Variants in TMC1 observed in about 807,000 individuals in gnomAD.
The protein encoded by TMC1 is transmembrane channel-like protein 1.
TMC1 carries 84 observed loss-of-function variants against 105.8 expected under a neutral mutation model. The ratio of observed to expected loss-of-function variants is 0.79; its 90% CI spans 0.67 to 0.95. The LOEUF is 0.95. Ranked by LOEUF, TMC1 falls within the 40% of genes least tolerant of loss-of-function variation. TMC1 has a pLI of 0.00. For missense variants in TMC1, 817 were observed against 914.1 expected, an observed-to-expected ratio of 0.89 and a Z score of 1.37; for synonymous variants, 315 against 311.5, an observed-to-expected ratio of 1.01 and a Z score of -0.12.
intron 2 of TMC1, among the ~76,000 whole-genome samples, chr9:72,616,033 C>T (rs1029633476): frequency 1.3e-5 from 2 of 152,156 alleles, no homozygotes; most frequent in African/African-American, 4.8e-5. Flanking sequence ...CAGGCGTGAG[C>T]CACCGTGCCC....
chr9:72,761,920 G>A lies in TMC1; in HGVS notation c.741+7036G>A, dbSNP rs76215082. Among the ~76,000 whole-genome samples, 1,342 of 152,248 alleles carry A rather than the reference G, an allele frequency of 8.8e-3. 19 individuals carry two copies. The highest frequency in any genetic ancestry group is 0.031 in the African/African-American group (1,277 of 41,554). On this transcript the variant is annotated intron_variant, in intron 12 of 23. Transcript: ENST00000297784. ...TGTTTTAGAACTATTTCAGTGGTTC[G>A]AATGCATCTTTATTTGAAAAGGTGA...
chr9:72,589,332 A>G (rs1824599961), intron 2 of TMC1, among the ~76,000 whole-genome samples: 1 of 152,250 alleles, frequency 6.6e-6, no homozygotes, highest in South Asian at 2.1e-4. Flanking sequence ...TGTTTCACAA[A>G]TGTGAACTAT....
At position 72,837,757 on chromosome 9, in the gene TMC1, T is replaced by C. The variant is rs1588109890; in HGVS notation, c.*1784T>C. On this transcript the variant is annotated 3_prime_UTR_variant, in exon 24 of 24. Coordinates refer to ENST00000297784, the MANE Select transcript of TMC1 (RefSeq NM_138691.3). ...CCTGCAGTTGACTTACTGATTTCTA[T>C]TATCCTGTCTCTGAGTTTCTCATTC... is the stretch of plus-strand genomic sequence containing the variant. 6.6e-6 allele frequency: 1 copy of C among 152,324 alleles called. No individual in the cohort carries two copies. The highest frequency in any genetic ancestry group is 1.5e-5 in the Non-Finnish European group (1 of 68,034). The allele number at this position is 152,324 out of a possible 1,614,324, so 9.4% of individuals were successfully genotyped here.
intron 4 of TMC1, among the ~76,000 whole-genome samples, chr9:72,644,325 A>G (rs952385566): frequency 1.3e-5 from 2 of 151,860 alleles, no homozygotes; most frequent in Admixed American, 1.3e-4. Flanking sequence ...TTGGTGTTAT[A>G]TCTAAAAAAA....
chr9:72,612,654 G>A (rs1223833399), intron 2 of TMC1, among the ~76,000 whole-genome samples: 3 of 152,210 alleles, frequency 2.0e-5, no homozygotes, highest in Non-Finnish European at 2.9e-5. Flanking sequence ...CAGGCAGTGA[G>A]CTTTGCTTTT....
intron 3 of TMC1, among the ~76,000 whole-genome samples, chr9:72,626,496 G>C (rs1359084508): frequency 6.6e-6 from 1 of 152,162 alleles, no homozygotes; most frequent in Non-Finnish European, 1.5e-5. Flanking sequence ...AGCACCTTTA[G>C]TAACAACACT....
intron 2 of TMC1, among the ~76,000 whole-genome samples, chr9:72,587,936 C>A (rs1824580061): frequency 6.6e-6 from 1 of 151,848 alleles, no homozygotes; most frequent in African/African-American, 2.4e-5. Context: ...CAGGCATGCA[C>A]CCCCATGCCT....
Position 72,792,291 on chromosome 9 carries a change from C to G in TMC1, c.1505C>G (p.Pro502Arg), listed in dbSNP as rs1230898342. ...ASFSENSTGPPFFVHPADVPR... is the reference protein window; with the variant it reads ...ASFSENSTGPRFFVHPADVPR... ...TTCTCTGAAAATAGCACTGGACCAC[C>G]CTTTTTTGTTCACCCTGCAGATGTA... Residue 502 changes from proline to arginine, a missense_variant, in exon 17 of 24, where the codon CCC (proline) becomes CGC (arginine). Physicochemically the swap from Pro to Arg is moderately radical, Grantham distance 103. Coordinates refer to ENST00000297784, the MANE Select transcript of TMC1 (RefSeq NM_138691.3). 2 of 1,614,080 alleles carry G rather than the reference C, an allele frequency of 1.2e-6. No individual in the cohort carries two copies. The highest frequency in any genetic ancestry group is 1.7e-6 in the Non-Finnish European group (2 of 1,180,012).
intron 2 of TMC1, among the ~76,000 whole-genome samples, chr9:72,615,378 C>T (rs546446183): frequency 3.9e-5 from 6 of 152,222 alleles, no homozygotes; most frequent in African/African-American, 1.4e-4. Context: ...ATTTTAGAGC[C>T]TATTTTCAAC....
rs114113368 is a variant in TMC1, at chr9:72,627,864, A to C, written c.-195-57A>C. ...ATTCTTTACTCAGATATGAAAGTTG[A>C]AAAGGTACTATTATTTTTAAAAATC... On this transcript the variant is annotated intron_variant, in intron 3 of 23. Transcript: ENST00000297784. The C allele has an allele frequency of 2.5e-3, 903 of 359,082 alleles. 6 individuals are homozygous for C. Among genetic ancestry groups the C allele is most frequent in the African/African-American group, 0.018 (859 of 46,806 alleles). The allele number at this position is 359,082 out of a possible 1,614,324, so 22.2% of individuals were successfully genotyped here.
At chr9:72,818,059 T>C (rs1265050617) in intron 19 of TMC1, among the ~76,000 whole-genome samples, 1 of 152,110 alleles carries the variant, frequency 6.6e-6, no homozygotes, top group Admixed American at 6.6e-5. Flanking sequence ...GGATGTCATG[T>C]AGAGGGAGGT....
intron 13 of TMC1, among the ~76,000 whole-genome samples, chr9:72,773,564 G>A (rs956677018): frequency 7.9e-5 from 12 of 152,126 alleles, no homozygotes; most frequent in Non-Finnish European, 2.9e-5. Flanking sequence ...ACCTGCTAAA[G>A]TGTAATCAGA....
At chr9:72,708,304 A>T (rs1826777937) in intron 8 of TMC1, among the ~76,000 whole-genome samples, 1 of 152,062 alleles carries the variant, frequency 6.6e-6, no homozygotes, top group Non-Finnish European at 1.5e-5. Flanking sequence ...ATGAAGAATG[A>T]TGGTGGTATT....
At chr9:72,823,138 T>C (rs1211752714) in intron 20 of TMC1, among the ~76,000 whole-genome samples, 3 of 152,224 alleles carry the variant, frequency 2.0e-5, no homozygotes, top group Non-Finnish European at 2.9e-5. Context: ...TTAAATATTT[T>C]CAATGGAGTA....
intron 12 of TMC1, among the ~76,000 whole-genome samples, chr9:72,755,822 C>T (rs1183688694): frequency 6.6e-6 from 1 of 152,288 alleles, no homozygotes; most frequent in East Asian, 1.9e-4. Flanking sequence ...GTATATCTCA[C>T]AAACATTTTG....
At chr9:72,685,996 C>T (rs893111893) in intron 5 of TMC1, among the ~76,000 whole-genome samples, 10 of 152,186 alleles carry the variant, frequency 6.6e-5, no homozygotes, top group Admixed American at 2.0e-4. Flanking sequence ...CTTTTCTGAA[C>T]GACTCCTATG....
Position 72,837,557 on chromosome 9 carries a change from C to CA in TMC1, c.*1585dup, listed in dbSNP as rs1385713633. 1 of 152,140 alleles carries CA rather than the reference C, an allele frequency of 6.6e-6. No individual in the cohort carries two copies. The highest frequency in any genetic ancestry group is 1.5e-5 in the Non-Finnish European group (1 of 68,034). 9.4% of individuals were successfully genotyped at this position (152,140 alleles called of 1,614,324 possible). A position where few individuals can be genotyped will look rare whatever the true frequency, so the allele number is the denominator to read the frequency against. On this transcript the variant is annotated 3_prime_UTR_variant, in exon 24 of 24. Transcript: ENST00000297784. The stretch of plus-strand genomic sequence containing the variant: ...TTTTTTTGTTAAGGTCAGGAAAACA[C>CA]ACTTCTGTTGGGGGCCTTAATTTAT...
intron 1 of TMC1, among the ~76,000 whole-genome samples, chr9:72,568,427 G>A (rs548656966): frequency 6.6e-6 from 1 of 152,242 alleles, no homozygotes; most frequent in Admixed American, 6.5e-5. Context: ...ACACAATAAA[G>A]CAGAAAGATT....
At chr9:72,735,165 G>A (rs952375423) in intron 8 of TMC1, among the ~76,000 whole-genome samples, 2 of 152,188 alleles carry the variant, frequency 1.3e-5, no homozygotes, top group Non-Finnish European at 2.9e-5. Context: ...AGCTCAGAGA[G>A]CTGTGCATAT....
Sources: allele counts gnomAD v4.1 joint callset (sites outside exome capture counted in the v4.1 genomes callset), GRCh38; gene constraint gnomAD v4.1.1; transcripts MANE v1.5; gene names NCBI Gene and HGNC (gene_info 2026-07-23, HGNC 2026-07-21).